Variants in CERT1 observed in about 807,000 individuals in gnomAD.
CERT1 encodes the protein ceramide transfer protein.
CERT1 carries 31 observed loss-of-function variants against 87.9 expected under a neutral mutation model. That is an observed-to-expected ratio of 0.35 (90% confidence interval 0.27 to 0.48). The LOEUF is 0.48. Among genes scored for constraint, CERT1 ranks in the 20% least tolerant of loss-of-function variants. The pLI, the probability that CERT1 is intolerant of heterozygous loss-of-function variation, is 0.99. For missense variants in CERT1, 487 were observed against 758.0 expected, an observed-to-expected ratio of 0.64 and a Z score of 4.20; for synonymous variants, 289 against 250.9, an observed-to-expected ratio of 1.15 and a Z score of -1.44.
intron 2 of CERT1, among the ~76,000 whole-genome samples, chr5:75,489,850 C>A (rs1766693010): frequency 1.3e-5 from 2 of 151,808 alleles, no homozygotes; most frequent in Non-Finnish European, 2.9e-5. Context: ...ATCTAGAAAG[C>A]AATGCCATTA....
chr5:75,504,217 G>A (rs1235912264), intron 2 of CERT1, among the ~76,000 whole-genome samples: 1 of 151,920 alleles, frequency 6.6e-6, no homozygotes, highest in Non-Finnish European at 1.5e-5. Flanking sequence ...TCTGTCCATT[G>A]ATATGAATAA....
intron 7 of CERT1, among the ~76,000 whole-genome samples, chr5:75,414,300 G>A (rs1485309471): frequency 6.6e-6 from 1 of 152,086 alleles, no homozygotes; most frequent in African/African-American, 2.4e-5. Flanking sequence ...TGCTAGAAAA[G>A]TTATATATCT....
At chr5:75,448,138 T>C (rs1441375237) in intron 3 of CERT1, among the ~76,000 whole-genome samples, 1 of 152,220 alleles carries the variant, frequency 6.6e-6, no homozygotes, top group African/African-American at 2.4e-5. Context: ...ATCAATATTC[T>C]CATAATCCAT....
intron 14 of CERT1, 66 bp from the exon 15 acceptor site, chr5:75,382,143 C>T: frequency 6.9e-7 from 1 of 1,443,044 alleles, no homozygotes; most frequent in Non-Finnish European, 9.5e-7. Context: ...AAACGTAATG[C>T]CAATAAATGT....
chr5:75,492,576 G>C (rs1445294150), intron 2 of CERT1, among the ~76,000 whole-genome samples: 2 of 152,136 alleles, frequency 1.3e-5, no homozygotes, highest in Non-Finnish European at 2.9e-5. Context: ...CAAGCAGCCA[G>C]GTTGGTATAA....
chr5:75,401,553 C>T (rs1040246285), intron 9 of CERT1: 1 of 152,062 alleles, frequency 6.6e-6, no homozygotes, highest in African/African-American at 2.4e-5. Flanking sequence ...ATAAATAATG[C>T]TACTTCAGGT....
intron 2 of CERT1, among the ~76,000 whole-genome samples, chr5:75,475,798 A>G (rs532480169): frequency 2.4e-4 from 36 of 152,166 alleles, no homozygotes; most frequent in African/African-American, 6.3e-4. Context: ...ATCAGAGGTC[A>G]CAGATGGTAT....
intron 3 of CERT1, among the ~76,000 whole-genome samples, chr5:75,437,093 A>T (rs1764128463): frequency 6.6e-6 from 1 of 152,204 alleles, no homozygotes; most frequent in Non-Finnish European, 1.5e-5. Flanking sequence ...GCCCAGTATG[A>T]AGTTTAAATC....
At chr5:75,473,548 AT>A (rs1765811768) in intron 2 of CERT1, among the ~76,000 whole-genome samples, 3 of 152,216 alleles carry the variant, frequency 2.0e-5, no homozygotes, top group African/African-American at 7.2e-5. Flanking sequence ...AGAGAGTAGA[AT>A]GGTAGTTACC....
intron 8 of CERT1, among the ~76,000 whole-genome samples, chr5:75,406,737 G>A (rs187850130): frequency 2.2e-3 from 329 of 152,040 alleles, no homozygotes; most frequent in South Asian, 6.2e-3. Flanking sequence ...TAGAGAGGGC[G>A]TTTCACCATG....
At chr5:75,403,961 C>A (rs976272233) in intron 8 of CERT1, among the ~76,000 whole-genome samples, 4 of 152,032 alleles carry the variant, frequency 2.6e-5, no homozygotes, top group African/African-American at 9.7e-5. Flanking sequence ...TGTGATGAAC[C>A]AAGTAAGTGG....
chr5:75,446,830 T>G (rs1764559355), intron 3 of CERT1, among the ~76,000 whole-genome samples: 1 of 152,200 alleles, frequency 6.6e-6, no homozygotes, highest in South Asian at 2.1e-4. Flanking sequence ...AATGTCCTAG[T>G]CTTTAATGTC....
At chr5:75,485,312 C>CAAAAAAAAAAAAAAAA (rs757349878) in intron 2 of CERT1, among the ~76,000 whole-genome samples, 469 of 46,364 alleles carry the variant, frequency 0.01, 4 homozygotes, top group South Asian at 0.015. Context: ...CACAAAAATA[C>CAAAAAAAAAAAAAAAA]AAAAAAAAAA....
chr5:75,396,729 CAAA>C (rs375730002), intron 11 of CERT1, among the ~76,000 whole-genome samples: 1 of 92,634 alleles, frequency 1.1e-5, no homozygotes, highest in Non-Finnish European at 2.5e-5. Context: ...AACTCCGTCT[CAAA>C]AAAAAAAAAA....
chr5:75,475,756 A>G (rs752890109), intron 2 of CERT1, among the ~76,000 whole-genome samples: 1 of 151,832 alleles, frequency 6.6e-6, no homozygotes, highest in Admixed American at 6.6e-5. Context: ...GTATATTCAT[A>G]TACAGAACTT....
intron 7 of CERT1, among the ~76,000 whole-genome samples, chr5:75,416,056 T>G (rs942563705): frequency 1.3e-5 from 2 of 152,116 alleles, no homozygotes; most frequent in Admixed American, 6.5e-5. Context: ...CCGCTCAAAT[T>G]CAAAGGCCTT....
intron 17 of CERT1, chr5:75,372,494 GCACTTTTC>G (rs1346481381): frequency 6.6e-6 from 1 of 151,988 alleles, no homozygotes; most frequent in Non-Finnish European, 1.5e-5. Context: ...CACCATATAG[GCACTTTTC>G]CACGTAGTCA....
intron 2 of CERT1, among the ~76,000 whole-genome samples, chr5:75,497,634 T>C: frequency 6.6e-6 from 1 of 152,132 alleles, no homozygotes; most frequent in East Asian, 1.9e-4. Context: ...GCTCTCATTC[T>C]TTTTCCTGCC....
intron 9 of CERT1, 75 bp from the exon 10 acceptor site, chr5:75,400,372 TG>T (rs895366903): frequency 4.0e-6 from 4 of 997,808 alleles, no homozygotes; most frequent in Non-Finnish European, 6.1e-6. Context: ...TAATATAACC[TG>T]GAACTACCAA....
Sources: allele counts gnomAD v4.1 joint callset (sites outside exome capture counted in the v4.1 genomes callset), GRCh38; gene constraint gnomAD v4.1.1; transcripts MANE v1.5; gene names NCBI Gene and HGNC (gene_info 2026-07-23, HGNC 2026-07-21).